Variants in RARB observed in about 807,000 individuals in gnomAD.
RARB encodes HBV-activated protein.
In RARB, 17 loss-of-function variants were observed where a neutral mutation model predicts 51.9. That is an observed-to-expected ratio of 0.33 (90% CI 0.22 to 0.49). The LOEUF (loss-of-function observed/expected upper bound fraction) is 0.49, where lower values mean the gene tolerates loss of function less well. Among genes scored for constraint, RARB ranks in the 20% least tolerant of loss-of-function variants. The pLI, the probability that RARB is intolerant of heterozygous loss-of-function variation, is 0.99. For missense variants in RARB, 369 were observed against 550.8 expected, an observed-to-expected ratio of 0.67 and a Z score of 3.30; for synonymous variants, 215 against 195.4, an observed-to-expected ratio of 1.10 and a Z score of -0.84.
rs189604950 is a variant in RARB, at chr3:25,493,230, T to C, written c.307-7952T>C. Among the ~76,000 whole-genome samples, 95 of 152,278 alleles carry C rather than the reference T, an allele frequency of 6.2e-4. 2 individuals carry two copies. In the East Asian group the frequency reaches 0.016, roughly 26 times the overall value. Reference sequence around the variant, plus strand: ...CTACTTTCTCCCTCCCTCTCACCCATTGTCTTTCAGTGGGGTGAAAAGGTC... The same window carrying C: ...CTACTTTCTCCCTCCCTCTCACCCACTGTCTTTCAGTGGGGTGAAAAGGTC... On this transcript the variant is annotated intron_variant, in intron 2 of 7. Coordinates refer to ENST00000330688, the MANE Select transcript of RARB (RefSeq NM_000965.5).
intron 5 of RARB, among the ~76,000 whole-genome samples, chr3:25,243,559 G>C (rs1702483066): frequency 6.6e-6 from 1 of 152,180 alleles, no homozygotes; most frequent in African/African-American, 2.4e-5. Flanking sequence ...TGCATCTGTT[G>C]AGATAATCAT....
At chr3:25,108,816 T>A (rs944455825) in intron 3 of RARB, among the ~76,000 whole-genome samples, 1 of 152,234 alleles carries the variant, frequency 6.6e-6, no homozygotes, top group Non-Finnish European at 1.5e-5. Flanking sequence ...AGCTAATTTT[T>A]TTCAACTTTC....
At position 25,310,378 on chromosome 3, in the gene RARB, A is replaced by G. The variant is rs73154991; in HGVS notation, c.178+135803A>G. Among the ~76,000 whole-genome samples the G allele has an allele frequency of 9.9e-3, 1,505 of 152,324 alleles. 23 individuals carry two copies. The highest frequency in any genetic ancestry group is 0.034 in the African/African-American group (1,420 of 41,550). ...AGTCAGATTTCCTAGGCACTCATTC[A>G]TTCAACATTAGGTCAATATTTTTTG... On this transcript the variant is annotated intron_variant, in intron 5 of 11. Coordinates refer to the RARB transcript ENST00000383772.
intron 2 of RARB, among the ~76,000 whole-genome samples, chr3:24,890,899 G>C (rs888035812): frequency 6.6e-6 from 1 of 152,028 alleles, no homozygotes; most frequent in Non-Finnish European, 1.5e-5. Flanking sequence ...GTGTGATCTT[G>C]GGCAAATTAC....
chr3:25,173,425 G>A (rs944445845), intron 4 of RARB, among the ~76,000 whole-genome samples: 26 of 152,028 alleles, frequency 1.7e-4, no homozygotes, highest in Non-Finnish European at 3.1e-4. Flanking sequence ...CAGACAAATG[G>A]GTCAACAAAT....
intron 5 of RARB, among the ~76,000 whole-genome samples, chr3:25,205,030 C>G (rs1407371484): frequency 1.3e-5 from 2 of 152,300 alleles, no homozygotes; most frequent in East Asian, 1.9e-4. Context: ...GAGGTGGAGT[C>G]TACAGAGGCA....
At chr3:25,490,454 G>T (rs1052097346) in intron 2 of RARB, among the ~76,000 whole-genome samples, 25 of 152,148 alleles carry the variant, frequency 1.6e-4, no homozygotes, top group African/African-American at 6.0e-4. Flanking sequence ...TTCTGGTTTT[G>T]TTAATGGCCA....
At chr3:25,560,527 T>C (rs887354196) in intron 3 of RARB, among the ~76,000 whole-genome samples, 2 of 152,182 alleles carry the variant, frequency 1.3e-5, no homozygotes, top group Non-Finnish European at 2.9e-5. Flanking sequence ...GACATGAGCG[T>C]GGCCATAAAT....
chr3:25,137,253 T>G (rs944581240), intron 4 of RARB, among the ~76,000 whole-genome samples: 1 of 152,088 alleles, frequency 6.6e-6, no homozygotes, highest in Non-Finnish European at 1.5e-5. Context: ...TTGAAGGAAT[T>G]TTTAATGTAG....
In RARB at chr3:25,553,021, CAG is replaced by C. The variant is rs146471107; in HGVS notation, c.449-16735_449-16734del. Among the ~76,000 whole-genome samples the C allele has an allele frequency of 6.9e-3, 1,052 of 152,220 alleles. 9 individuals carry two copies. Among genetic ancestry groups the C allele is most frequent in the African/African-American group, 0.024 (977 of 41,532 alleles). On this transcript the variant is annotated intron_variant, in intron 3 of 7. Coordinates refer to ENST00000330688, the MANE Select transcript of RARB (RefSeq NM_000965.5). Reference sequence around the variant, plus strand: ...TGTTTTAAAGCTTGAAAATGAAAAACAGATATCCTACGAAGGAAGACGGGCAA... The same window carrying C: ...TGTTTTAAAGCTTGAAAATGAAAAACATATCCTACGAAGGAAGACGGGCAA...
At chr3:25,003,207 A>AAAAAAAC (rs1281480045) in intron 2 of RARB, among the ~76,000 whole-genome samples, 2 of 151,932 alleles carry the variant, frequency 1.3e-5, no homozygotes, top group African/African-American at 4.8e-5. Flanking sequence ...AAAAAAAAAA[A>AAAAAAAC]AACTGCTTTT....
At chr3:25,302,781 T>C (rs1704071489) in intron 5 of RARB, among the ~76,000 whole-genome samples, 1 of 152,234 alleles carries the variant, frequency 6.6e-6, no homozygotes. Flanking sequence ...CAAGCCATTT[T>C]TTAAAAAGCC....
At chr3:25,024,913 A>G (rs925274224) in intron 2 of RARB, 7 of 144,694 alleles carry the variant, frequency 4.8e-5, no homozygotes, top group Non-Finnish European at 1.0e-4. Flanking sequence ...AGATCATGCC[A>G]CTGTCACTCC....
At chr3:25,041,351 T>C (rs552633894) in intron 2 of RARB, among the ~76,000 whole-genome samples, 114 of 152,330 alleles carry the variant, frequency 7.5e-4, no homozygotes, top group Non-Finnish European at 1.4e-3. Flanking sequence ...TGCCGTTTAA[T>C]ATTTAAATAT....
chr3:24,945,835 T>C (rs1260963156), intron 2 of RARB, among the ~76,000 whole-genome samples: 1 of 152,236 alleles, frequency 6.6e-6, no homozygotes, highest in Admixed American at 6.5e-5. Context: ...GGCTTAAGGA[T>C]GGTGAACAAC....
intron 4 of RARB, among the ~76,000 whole-genome samples, chr3:25,170,937 C>T (rs1220319337): frequency 5.9e-5 from 9 of 152,206 alleles, no homozygotes; most frequent in African/African-American, 2.2e-4. Flanking sequence ...ATGCTACCTC[C>T]TGTCTGGCGT....
chr3:25,209,922 T>G (rs909895199), intron 5 of RARB, among the ~76,000 whole-genome samples: 4 of 152,214 alleles, frequency 2.6e-5, no homozygotes, highest in Non-Finnish European at 5.9e-5. Context: ...TTAACTTGGA[T>G]TTCAAAGTTA....
At chr3:25,130,919 C>CAATATTATTGATAATATT (rs1699938411) in intron 3 of RARB, among the ~76,000 whole-genome samples, 2 of 20,570 alleles carry the variant, frequency 9.7e-5, no homozygotes, top group Non-Finnish European at 2.0e-4. Context: ...ATAATATTAT[C>CAATATTATTGATAATATT]AATATTTATC....
intron 4 of RARB, among the ~76,000 whole-genome samples, chr3:25,148,423 G>T (rs908905804): frequency 1.3e-5 from 2 of 152,164 alleles, no homozygotes; most frequent in Non-Finnish European, 2.9e-5. Context: ...TGGATCAGGG[G>T]ATTCTATTGA....
Sources: gnomAD v4.1 joint callset for allele counts (sites outside exome capture counted in the v4.1 genomes callset) on GRCh38, gnomAD v4.1.1 for gene constraint, MANE v1.5 for transcripts, NCBI Gene and HGNC (gene_info 2026-07-23, HGNC 2026-07-21) for gene names.